The following CLASP1 variants were observed in gnomAD, a reference collection of about 807,000 sequenced individuals.
The protein encoded by CLASP1 is CLIP-associating protein 1.
A neutral mutation model predicts 192.3 loss-of-function variants in CLASP1; 38 were observed. The observed-to-expected ratio is 0.20, with a 90% CI of 0.15 to 0.26. CLASP1 has a LOEUF of 0.26. Ranked by LOEUF, CLASP1 falls within the 10% of genes least tolerant of loss-of-function variation. The probability of loss-of-function intolerance (pLI) is 1.00; values close to 1 mark genes in which losing one functional copy is unlikely to be tolerated. For synonymous variants in CLASP1, 691 were observed against 712.8 expected (o/e 0.97, Z 0.49); for missense variants, 1,433 against 1,932.5 (o/e 0.74, Z 4.85).
intron 8 of CLASP1, among the ~76,000 whole-genome samples, chr2:121,488,375 A>G (rs2093109582): frequency 6.6e-6 from 1 of 152,216 alleles, no homozygotes; most frequent in African/African-American, 2.4e-5. Context: ...CTGGCTCCTC[A>G]GCAAAGGGAC....
chr2:121,582,498 G>A (rs1376061347), intron 2 of CLASP1, among the ~76,000 whole-genome samples: 1 of 144,100 alleles, frequency 6.9e-6, no homozygotes, highest in Admixed American at 7.1e-5. Context: ...AAGAAGGGAG[G>A]GAGAAAGAAA....
At chr2:121,601,316 A>T (rs2063757605) in intron 2 of CLASP1, among the ~76,000 whole-genome samples, 1 of 142,308 alleles carries the variant, frequency 7.0e-6, no homozygotes, top group African/African-American at 2.7e-5. Context: ...TCTGTCGCCC[A>T]GGCTGGAGTG....
intron 32 of CLASP1, among the ~76,000 whole-genome samples, chr2:121,386,913 C>A (rs1574159863): frequency 6.6e-6 from 1 of 152,306 alleles, no homozygotes; most frequent in Admixed American, 6.5e-5. Flanking sequence ...AGAGAACATT[C>A]AGCACACATG....
chr2:121,478,771 CCA>C (rs765484378), intron 8 of CLASP1, among the ~76,000 whole-genome samples: 5 of 44,240 alleles, frequency 1.1e-4, no homozygotes, highest in Non-Finnish European at 2.0e-4. Context: ...ACCACACACC[CCA>C]CACACACACC....
chr2:121,415,322 G>A (rs183539186), intron 23 of CLASP1, among the ~76,000 whole-genome samples: 2 of 152,266 alleles, frequency 1.3e-5, no homozygotes, highest in East Asian at 3.9e-4. Context: ...CCTACCTCTT[G>A]GGAGTTACTG....
chr2:121,618,843 A>G (rs1470118965), intron 1 of CLASP1, among the ~76,000 whole-genome samples: 1 of 152,222 alleles, frequency 6.6e-6, no homozygotes, highest in Admixed American at 6.5e-5. Flanking sequence ...TACAACAGAA[A>G]GACTGTACAG....
intron 39 of CLASP1, among the ~76,000 whole-genome samples, chr2:121,341,616 C>T (rs1399003773): frequency 6.6e-6 from 1 of 152,118 alleles, no homozygotes; most frequent in Non-Finnish European, 1.5e-5. Flanking sequence ...AAACAGTAAT[C>T]AAAGGGAGCA....
chr2:121,447,582 G>T, intron 18 of CLASP1, 75 bp from the exon 19 acceptor site: 1 of 1,259,690 alleles, frequency 7.9e-7, no homozygotes, highest in Non-Finnish European at 1.1e-6. Context: ...ATCTGATGTT[G>T]TTTTGCTTTC....
At position 121,365,201 on chromosome 2, in the gene CLASP1, C is replaced by T. The variant is rs1402080856; in HGVS notation, c.3970G>A (p.Ala1324Thr). 8 of 1,613,718 alleles carry T rather than the reference C, an allele frequency of 5.0e-6. No homozygotes were observed. The Admixed American group carries it at 6.7e-5, about 13-fold the overall frequency. Residue 1324 changes from alanine (A) to threonine (T), a missense_variant, in exon 36 of 40, where the codon GCC becomes ACC. Physicochemically the swap from Ala to Thr is moderately conservative, Grantham distance 58 (BLOSUM62 0). Transcript: ENST00000263710. ...GTGATCTTGAGCAGCTCCAGCAGGGCTCCCTTCCGTTCCTCCACTCGCTCA... is the reference window on the plus strand; with the variant it reads ...GTGATCTTGAGCAGCTCCAGCAGGGTTCCCTTCCGTTCCTCCACTCGCTCA...
At chr2:121,646,204 C>T (rs1243555077) in intron 1 of CLASP1, among the ~76,000 whole-genome samples, 1 of 152,146 alleles carries the variant, frequency 6.6e-6, no homozygotes, top group Non-Finnish European at 1.5e-5. Context: ...CCTCAGCCTC[C>T]CAGACTCAGG....
chr2:121,377,682 G>A (rs888765139), intron 33 of CLASP1, 33 bp from the exon 35 acceptor site: 13 of 1,474,008 alleles, frequency 8.8e-6, no homozygotes, highest in Admixed American at 8.6e-5. Flanking sequence ...TTCTTAAATC[G>A]AGGCATATAC....
intron 8 of CLASP1, among the ~76,000 whole-genome samples, chr2:121,483,781 A>C (rs984057237): frequency 6.6e-6 from 1 of 152,236 alleles, no homozygotes; most frequent in Non-Finnish European, 1.5e-5. Context: ...CATATGCTTA[A>C]AACAATAGCA....
At chr2:121,568,205 A>G (rs1355678367) in intron 2 of CLASP1, among the ~76,000 whole-genome samples, 1 of 152,146 alleles carries the variant, frequency 6.6e-6, no homozygotes, top group Non-Finnish European at 1.5e-5. Context: ...AATGACGTCC[A>G]GCCAGAATTG....
chr2:121,455,422 G>T (rs1019750153), intron 14 of CLASP1, among the ~76,000 whole-genome samples: 1 of 152,184 alleles, frequency 6.6e-6, no homozygotes, highest in African/African-American at 2.4e-5. Flanking sequence ...AACAGATGAG[G>T]AGATAAAGAT....
intron 2 of CLASP1, among the ~76,000 whole-genome samples, chr2:121,594,628 TG>T (rs2062904893): frequency 6.6e-6 from 1 of 152,082 alleles, no homozygotes; most frequent in Admixed American, 6.5e-5. Flanking sequence ...CCTGACCTCG[TG>T]ATCTGCCCGC....
intron 15 of CLASP1, 72 bp downstream of exon 15, chr2:121,451,718 G>T: frequency 8.4e-7 from 1 of 1,191,892 alleles, no homozygotes; most frequent in Non-Finnish European, 1.2e-6. Context: ...AAAGCCAGCT[G>T]GACCACTCAC....
chr2:121,560,888 C>A (rs535405373), intron 2 of CLASP1, among the ~76,000 whole-genome samples: 1 of 152,288 alleles, frequency 6.6e-6, no homozygotes, highest in Admixed American at 6.5e-5. Flanking sequence ...GAGCCTGCCA[C>A]CACAACTGGC....
intron 1 of CLASP1, among the ~76,000 whole-genome samples, chr2:121,644,256 A>G (rs1298037045): frequency 6.6e-6 from 1 of 151,872 alleles, no homozygotes; most frequent in Admixed American, 6.6e-5. Flanking sequence ...TTTGAAAATC[A>G]TTGGTTCAGT....
intron 6 of CLASP1, among the ~76,000 whole-genome samples, chr2:121,517,186 TG>T (rs1242826271): frequency 6.6e-6 from 1 of 152,168 alleles, no homozygotes; most frequent in Admixed American, 6.5e-5. Flanking sequence ...TTAAAAAATC[TG>T]CAAATAAAAA....
Sources: allele counts gnomAD v4.1 joint callset (sites outside exome capture counted in the v4.1 genomes callset), GRCh38; gene constraint gnomAD v4.1.1; transcripts MANE v1.5; gene names NCBI Gene and HGNC (gene_info 2026-07-23, HGNC 2026-07-21).